Variants in SEPTIN9 observed in about 807,000 individuals in gnomAD.
SEPTIN9 encodes the protein septin 9, also known as septin-9.
Under a neutral mutation model 56.6 loss-of-function variants are expected in SEPTIN9, and 13 were observed. The observed-to-expected ratio is 0.23, with a 90% CI of 0.15 to 0.37. SEPTIN9 has a LOEUF of 0.37. SEPTIN9 is among the 10% of genes least tolerant of loss of function. The pLI, the probability that SEPTIN9 is intolerant of heterozygous loss-of-function variation, is 1.00. For missense variants in SEPTIN9, 650 were observed against 823.1 expected (o/e 0.79, Z 2.57); for synonymous variants, 332 against 334.1 (o/e 0.99, Z 0.07).
In SEPTIN9 at chr17:77,313,279, C is replaced by T. The variant is rs2032578652; in HGVS notation, c.76+6082C>T. 6.6e-6 allele frequency among the ~76,000 whole-genome samples: 1 copy of T among 152,226 alleles called. No individual in the cohort carries two copies. The highest frequency in any genetic ancestry group is 2.1e-4 in the South Asian group (1 of 4,834). On this transcript the variant is annotated intron_variant, in intron 2 of 11. Transcript: ENST00000427177. The surrounding 1 kb of genome is among the most constrained non-coding windows in gnomAD (Gnocchi z 4.5). ...GTCAGGCTACAGCCCAGATGGTTGG[C>T]TGAGCACGAGCATGTGAGAGTGGAA...
At chr17:77,479,988 C>G (rs1466950582) in intron 3 of SEPTIN9, among the ~76,000 whole-genome samples, 1 of 152,174 alleles carries the variant, frequency 6.6e-6, no homozygotes, top group Non-Finnish European at 1.5e-5. Context: ...TTTAAAGGTC[C>G]TGGAAGCCCA....
chr17:77,407,881 C>G (rs1269178386), intron 3 of SEPTIN9, among the ~76,000 whole-genome samples: 4 of 152,212 alleles, frequency 2.6e-5, no homozygotes. Context: ...TTCCTGCCCC[C>G]CAACATGGGT....
At chr17:77,324,818 A>ACTT (rs1469952875) in intron 2 of SEPTIN9, among the ~76,000 whole-genome samples, 1 of 56,338 alleles carries the variant, frequency 1.8e-5, no homozygotes, top group Non-Finnish European at 3.2e-5. Flanking sequence ...TTTGATATGC[A>ACTT]ATTTTTTTTT....
chr17:77,407,200 C>T (rs11077908), intron 3 of SEPTIN9, among the ~76,000 whole-genome samples: 5 of 143,688 alleles, frequency 3.5e-5, no homozygotes, highest in African/African-American at 7.8e-5. Context: ...GGAGGACCAC[C>T]TAAGCATGGG....
rs2032847196 is a variant in SEPTIN9, at chr17:77,319,972, A to G, written c.76+12775A>G. The stretch of plus-strand genomic sequence containing the variant: ...CAGACCGGGCGGCCGGGACTCTGGG[A>G]CTCTCGCAGGCAGACCCGGTGGTCT... On this transcript the variant is annotated intron_variant, in intron 2 of 11. Transcript: ENST00000427177. The surrounding 1 kb of genome is among the most constrained non-coding windows in gnomAD (Gnocchi z 5.3). 1 of 1,189,500 alleles carries G rather than the reference A, an allele frequency of 8.4e-7. No individual in the cohort carries two copies. The highest frequency in any genetic ancestry group is 1.0e-6 in the Non-Finnish European group (1 of 956,334). 73.7% of individuals were successfully genotyped at this position (1,189,500 alleles called of 1,614,324 possible).
Position 77,487,395 on chromosome 17 carries a change from C to A in SEPTIN9, c.914-29C>A, listed in dbSNP as rs1413584336. ...ACCCTGCTGGTCTCTCCGGAGAGACCCCTGACCGGCCTCCCATCCTCTCCC... is the reference window on the plus strand; with the variant it reads ...ACCCTGCTGGTCTCTCCGGAGAGACACCTGACCGGCCTCCCATCCTCTCCC... On this transcript the variant is annotated intron_variant, in intron 4 of 11. Coordinates refer to ENST00000427177, the MANE Select transcript of SEPTIN9 (RefSeq NM_001113491.2). This position sits in a 1 kb window ranked among gnomAD's most constrained non-coding sequence, Gnocchi z 4.3. 1.9e-6 allele frequency: 3 copies of A among 1,578,492 alleles called. No individual in the cohort carries two copies. Among genetic ancestry groups the A allele is most frequent in the East Asian group, 2.3e-5 (1 of 42,612 alleles).
chr17:77,376,281 G>C, intron 2 of SEPTIN9: 1 of 986,004 alleles, frequency 1.0e-6, no homozygotes, highest in Non-Finnish European at 1.2e-6. Context: ...TGCCCGCCGG[G>C]AGTGCAGCTG....
At chr17:77,300,030 G>A (rs1326897170) in intron 1 of SEPTIN9, among the ~76,000 whole-genome samples, 2 of 152,238 alleles carry the variant, frequency 1.3e-5, no homozygotes, top group African/African-American at 4.8e-5. Context: ...CCTTCTCACA[G>A]GAGCTGGTGG....
At position 77,324,375 on chromosome 17, in the gene SEPTIN9, G is replaced by A. The variant is rs375418054; in HGVS notation, c.76+17178G>A. 1.1e-4 allele frequency among the ~76,000 whole-genome samples: 16 copies of A among 152,320 alleles called. No individual in the cohort carries two copies. In the South Asian group the frequency reaches 2.5e-3, roughly 24 times the overall value. On this transcript the variant is annotated intron_variant, in intron 2 of 11. Coordinates refer to ENST00000427177, the MANE Select transcript of SEPTIN9 (RefSeq NM_001113491.2). ...ATGCACAGCATGGTTCCATGTCCCA[G>A]ACTCCTTGCTGGACCCCTCTGGCCC...
rs2037208444 is a variant in SEPTIN9, at chr17:77,433,118, C to G, written c.721+30415C>G. On this transcript the variant is annotated intron_variant, in intron 3 of 11. Transcript: ENST00000427177. The surrounding 1 kb of genome is among the most constrained non-coding windows in gnomAD (Gnocchi z 6.4). The stretch of plus-strand genomic sequence containing the variant: ...CCCAACTCTGAATGGCTTCAGCCCT[C>G]AAGAGAATTTGGAGCTTTTTTGTGC... 6.6e-6 allele frequency among the ~76,000 whole-genome samples: 1 copy of G among 152,166 alleles called. No individual in the cohort carries two copies.
intron 2 of SEPTIN9, among the ~76,000 whole-genome samples, chr17:77,357,256 G>A (rs2034285075): frequency 6.6e-6 from 1 of 152,156 alleles, no homozygotes; most frequent in Admixed American, 6.6e-5. Context: ...GAAGAACAAG[G>A]ACACATCCAC....
chr17:77,318,478 A>G lies in SEPTIN9; in HGVS notation c.76+11281A>G, dbSNP rs993949528. On this transcript the variant is annotated intron_variant, in intron 2 of 11. Coordinates refer to ENST00000427177, the MANE Select transcript of SEPTIN9 (RefSeq NM_001113491.2). The surrounding 1 kb of genome is among the most constrained non-coding windows in gnomAD (Gnocchi z 4.9). Reference sequence around the variant, plus strand: ...CAAGGTCCCATTTGCAGGTCTAGGGATTAGGACATGCTATCCCTGGGGCCA... The same window carrying G: ...CAAGGTCCCATTTGCAGGTCTAGGGGTTAGGACATGCTATCCCTGGGGCCA... 6.6e-6 allele frequency among the ~76,000 whole-genome samples: 1 copy of G among 151,946 alleles called. No individual in the cohort carries two copies. The highest frequency in any genetic ancestry group is 2.4e-5 in the African/African-American group (1 of 41,364).
At chr17:77,379,233 C>T (rs1435664634) in intron 2 of SEPTIN9, among the ~76,000 whole-genome samples, 1 of 152,006 alleles carries the variant, frequency 6.6e-6, no homozygotes, top group African/African-American at 2.4e-5. Flanking sequence ...CTACACTGGG[C>T]CCGGGGTGTC....
chr17:77,431,742 A>G (rs1331442113), intron 3 of SEPTIN9, among the ~76,000 whole-genome samples: 1 of 151,674 alleles, frequency 6.6e-6, no homozygotes, highest in Admixed American at 6.6e-5. Flanking sequence ...AGGCAGGAGA[A>G]TAGCTTGAGC....
chr17:77,436,686 G>A lies in SEPTIN9; in HGVS notation c.721+33983G>A, dbSNP rs972231774. ...CCTCCTGTTTTGCTGCACTAGCCTC[G>A]TGGTAGGGGCTGCGGCGGAGGTGGG... On this transcript the variant is annotated intron_variant, in intron 3 of 11. Transcript: ENST00000427177. The surrounding 1 kb of genome is among the most constrained non-coding windows in gnomAD (Gnocchi z 4.4). Among the ~76,000 whole-genome samples the A allele has an allele frequency of 3.3e-5, 5 of 152,236 alleles. No homozygotes were observed. Among genetic ancestry groups the A allele is most frequent in the Admixed American group, 1.3e-4 (2 of 15,288 alleles).
chr17:77,486,535 C>CGCGCGCGT (rs1343890844), intron 4 of SEPTIN9, among the ~76,000 whole-genome samples: 37 of 120,398 alleles, frequency 3.1e-4, no homozygotes, highest in African/African-American at 1.4e-3. Context: ...CGCACGCGCG[C>CGCGCGCGT]GCGTGTTATA....
chr17:77,432,204 C>T (rs1472718380), intron 3 of SEPTIN9, among the ~76,000 whole-genome samples: 1 of 152,176 alleles, frequency 6.6e-6, no homozygotes, highest in African/African-American at 2.4e-5. Context: ...AACTATGTTC[C>T]CCTCTGTAAA....
chr17:77,487,612 G>A lies in SEPTIN9; in HGVS notation c.1042+60G>A. 6.6e-7 allele frequency: 1 copy of A among 1,518,442 alleles called. No homozygotes were observed. Among genetic ancestry groups the A allele is most frequent in the Non-Finnish European group, 8.9e-7 (1 of 1,119,902 alleles). 94.1% of individuals were successfully genotyped at this position (1,518,442 alleles called of 1,614,324 possible). ...GCCCCTGCCTTCCTGGAGCACAGGGGTTGGGGGTCAAGACCATCACACACA... is the reference window on the plus strand; with the variant it reads ...GCCCCTGCCTTCCTGGAGCACAGGGATTGGGGGTCAAGACCATCACACACA... On this transcript the variant is annotated intron_variant, in intron 5 of 11. Coordinates refer to ENST00000427177, the MANE Select transcript of SEPTIN9 (RefSeq NM_001113491.2). The surrounding 1 kb of genome is among the most constrained non-coding windows in gnomAD (Gnocchi z 4.3).
At chr17:77,308,561 C>T (rs1286876564) in intron 2 of SEPTIN9, among the ~76,000 whole-genome samples, 3 of 152,262 alleles carry the variant, frequency 2.0e-5, no homozygotes, top group African/African-American at 7.2e-5. Context: ...TTACTTTATT[C>T]ACTCATTTAC....
Sources: gnomAD v4.1 joint callset for allele counts (sites outside exome capture counted in the v4.1 genomes callset) on GRCh38, gnomAD v4.1.1 for gene constraint, Gnocchi (gnomAD v3.1) non-coding constraint, MANE v1.5 for transcripts, NCBI Gene and HGNC (gene_info 2026-07-23, HGNC 2026-07-21) for gene names.